SCFD1: variants seen among roughly 807,000 people sequenced by gnomAD.
SCFD1 encodes sec1 family domain containing 1, also known as sec1 family domain-containing protein 1.
SCFD1 carries 37 observed loss-of-function variants against 103.2 expected under a neutral mutation model. The ratio of observed to expected loss-of-function variants is 0.36; its 90% CI spans 0.28 to 0.47. The LOEUF (loss-of-function observed/expected upper bound fraction) is 0.47. Among genes scored for constraint, SCFD1 ranks in the 20% least tolerant of loss-of-function variants. The pLI is 1.00. For missense variants in SCFD1, 639 were observed against 761.2 expected (o/e 0.84, Z 1.89); for synonymous variants, 264 against 245.0 (o/e 1.08, Z -0.73).
chr14:30,663,439 TTCTCTC>T (rs1887624750), intron 10 of SCFD1, among the ~76,000 whole-genome samples: 1 of 152,234 alleles, frequency 6.6e-6, no homozygotes, highest in African/African-American at 2.4e-5. Context: ...TATTTTTACT[TTCTCTC>T]TATATGGATG....
At position 30,730,763 on chromosome 14, in the gene SCFD1, T is replaced by G. The variant is rs1009512771; in HGVS notation, c.1837-4027T>G. 3.3e-5 allele frequency among the ~76,000 whole-genome samples: 5 copies of G among 152,218 alleles called. No individual in the cohort carries two copies. In the East Asian group the frequency reaches 9.6e-4, roughly 29 times the overall value. On this transcript the variant is annotated intron_variant, in intron 23 of 24. Coordinates refer to ENST00000458591, the MANE Select transcript of SCFD1 (RefSeq NM_016106.4). ...TTCTGGATATTAGCCCTTTGTCAGA[T>G]GAGTAGATTGCAAAAATTTTCTCCC...
chr14:30,734,604 C>T (rs74912229), intron 23 of SCFD1, 186 bp from the exon 24 acceptor site: 15,986 of 556,146 alleles, frequency 0.029, 335 homozygotes, highest in South Asian at 0.037. Flanking sequence ...ATACTATGCT[C>T]ATTTCACCAC....
chr14:30,696,424 A>G, intron 15 of SCFD1, among the ~76,000 whole-genome samples: 1 of 152,230 alleles, frequency 6.6e-6, no homozygotes, highest in East Asian at 1.9e-4. Flanking sequence ...ACAGAAAGGC[A>G]ATCAGTCCTG....
chr14:30,707,903 G>A (rs762759061), intron 18 of SCFD1, 87 bp from the exon 19 acceptor site: 2 of 891,010 alleles, frequency 2.2e-6, no homozygotes, highest in South Asian at 2.6e-5. Context: ...TCAGCATGTG[G>A]TGTGTAATCA....
chr14:30,728,838 CTTT>C (rs367747323), intron 23 of SCFD1, among the ~76,000 whole-genome samples: 70 of 131,718 alleles, frequency 5.3e-4, no homozygotes, highest in African/African-American at 1.8e-3. Flanking sequence ...TCCTTTGTCC[CTTT>C]TTTTTTTTTT....
intron 14 of SCFD1, among the ~76,000 whole-genome samples, chr14:30,681,460 ATTT>A (rs925170652): frequency 1.4e-4 from 22 of 152,058 alleles, no homozygotes; most frequent in African/African-American, 5.3e-4. Context: ...GAATTTAAAT[ATTT>A]TTAGCATAAG....
At chr14:30,733,968 A>T (rs1566673463) in intron 23 of SCFD1, among the ~76,000 whole-genome samples, 1 of 152,148 alleles carries the variant, frequency 6.6e-6, no homozygotes, top group East Asian at 1.9e-4. Flanking sequence ...AGCCACAAGA[A>T]TCCCAATTAT....
At chr14:30,673,900 A>G (rs781667023) in intron 12 of SCFD1, 24 bp from the exon 13 acceptor site, 1 of 1,570,508 alleles carries the variant, frequency 6.4e-7, no homozygotes, top group Non-Finnish European at 8.8e-7. Context: ...TTGAGTAGCT[A>G]TTGAGACCTT....
chr14:30,728,782 A>G (rs1302613685), intron 23 of SCFD1, among the ~76,000 whole-genome samples: 1 of 149,966 alleles, frequency 6.7e-6, no homozygotes, highest in African/African-American at 2.5e-5. Flanking sequence ...ATCTTTTCAC[A>G]TGTGTATTGG....
chr14:30,650,847 T>C (rs1009841587), intron 9 of SCFD1, among the ~76,000 whole-genome samples, 197 bp downstream of exon 9: 1 of 152,164 alleles, frequency 6.6e-6, no homozygotes, highest in Non-Finnish European at 1.5e-5. Flanking sequence ...TTGGTAAAAA[T>C]TTCTAAGCAT....
At chr14:30,636,510 G>T (rs1420235862) in intron 4 of SCFD1, among the ~76,000 whole-genome samples, 1 of 151,956 alleles carries the variant, frequency 6.6e-6, no homozygotes, top group Non-Finnish European at 1.5e-5. Flanking sequence ...AATGGTCTTG[G>T]CAGCCTTGTC....
intron 1 of SCFD1, among the ~76,000 whole-genome samples, chr14:30,625,230 T>TAGTA (rs10684471): frequency 0.43 from 65,083 of 151,748 alleles, 16,034 homozygotes; most frequent in East Asian, 0.67. Flanking sequence ...AATGAATGAA[T>TAGTA]AGTGTGTATG....
At position 30,669,018 on chromosome 14, in the gene SCFD1, A is replaced by T. The variant is rs192936142; in HGVS notation, c.856-1238A>T. Among the ~76,000 whole-genome samples, 55 of 152,318 alleles carry T rather than the reference A, an allele frequency of 3.6e-4. 1 individual carries two copies. The East Asian group carries it at 7.5e-3, about 21-fold the overall frequency. ...TGATTCCTTAAGGATCTAGAACTAG[A>T]AATACCATTTGACCCAGCAATCCCA... is the stretch of plus-strand genomic sequence containing the variant. On this transcript the variant is annotated intron_variant, in intron 10 of 24. Coordinates refer to ENST00000458591, the MANE Select transcript of SCFD1 (RefSeq NM_016106.4).
intron 1 of SCFD1, among the ~76,000 whole-genome samples, chr14:30,626,239 A>G (rs1209003002): frequency 6.6e-6 from 1 of 152,106 alleles, no homozygotes; most frequent in Non-Finnish European, 1.5e-5. Context: ...GAAGTAGGTA[A>G]TATTGGTAAT....
At chr14:30,630,434 T>C in intron 2 of SCFD1, 43 bp from the exon 3 acceptor site, 2 of 1,073,934 alleles carry the variant, frequency 1.9e-6, no homozygotes, top group Non-Finnish European at 2.9e-6. Context: ...GGTTCACTAT[T>C]GGTTGTTCAC....
chr14:30,732,973 A>G (rs1893582779), intron 23 of SCFD1, among the ~76,000 whole-genome samples: 1 of 152,054 alleles, frequency 6.6e-6, no homozygotes, highest in Non-Finnish European at 1.5e-5. Context: ...CATTGAATCA[A>G]TATACTGGTA....
At position 30,719,338 on chromosome 14, in the gene SCFD1, A is replaced by T; in HGVS notation, c.1697A>T (p.Tyr566Phe). Residue 566 changes from tyrosine (Y) to phenylalanine (F), a missense_variant, in exon 21 of 25, where the codon TAT (tyrosine) becomes TTT (phenylalanine). Tyr to Phe is a conservative substitution (Grantham distance 22, BLOSUM62 3). Coordinates refer to ENST00000458591, the MANE Select transcript of SCFD1 (RefSeq NM_016106.4). ...TTTTTTTAATAGGAAACTGATGACT[A>T]TAGATATTTTGATCCCAAAATGCTG... ...EMKSNPETDD[Y>F]RYFDPKMLRG... 6.2e-7 allele frequency: 1 copy of T among 1,602,922 alleles called. No individual in the cohort carries two copies. Among genetic ancestry groups the T allele is most frequent in the Non-Finnish European group, 8.5e-7 (1 of 1,173,944 alleles).
In SCFD1 at chr14:30,708,065, A is replaced by G. The variant is rs1315100810; in HGVS notation, c.1629A>G (p.Gln543=). ...TGAAGAACCTGGTTTTGAAACAGCA[A>G]GTAAGTACACTTGTTAGAAAACATA... ...EGVKNLVLKQ[Q]NLPVTRILDN... Residue 543 remains glutamine (Q), a splice_region_variant and synonymous_variant, in exon 19 of 25, where the codon CAA becomes CAG. Transcript: ENST00000458591. 2 of 1,592,352 alleles carry G rather than the reference A, an allele frequency of 1.3e-6. No homozygotes were observed. Among genetic ancestry groups the G allele is most frequent in the Admixed American group, 1.7e-5 (1 of 59,930 alleles).
At chr14:30,626,955 G>T (rs1329968503) in intron 1 of SCFD1, among the ~76,000 whole-genome samples, 1 of 152,140 alleles carries the variant, frequency 6.6e-6, no homozygotes, top group Non-Finnish European at 1.5e-5. Flanking sequence ...TGATATTCAG[G>T]TGATTTTAGT....
Sources: gnomAD v4.1 joint callset for allele counts (sites outside exome capture counted in the v4.1 genomes callset) on GRCh38, gnomAD v4.1.1 for gene constraint, MANE v1.5 for transcripts, NCBI Gene and HGNC (gene_info 2026-07-23, HGNC 2026-07-21) for gene names.